Variants in MITF observed in about 807,000 individuals in gnomAD.
MITF encodes melanocyte inducing transcription factor, also known as microphthalmia-associated transcription factor.
Under a neutral mutation model 60.5 loss-of-function variants are expected in MITF, and 17 were observed. The observed-to-expected ratio is 0.28, with a 90% CI of 0.19 to 0.42. The LOEUF is 0.42. Among genes scored for constraint, MITF ranks in the 10% least tolerant of loss-of-function variants. The pLI is 1.00. For synonymous variants in MITF, 260 were observed against 248.5 expected (o/e 1.05, Z -0.43); for missense variants, 622 against 683.5 (o/e 0.91, Z 1.00).
In MITF at chr3:69,789,603, C is replaced by G. The variant is rs1176594998; in HGVS notation, c.104+49902C>G. 3.9e-5 allele frequency among the ~76,000 whole-genome samples: 6 copies of G among 152,120 alleles called. No individual in the cohort carries two copies. In the South Asian group the frequency reaches 1.2e-3, roughly 32 times the overall value. On this transcript the variant is annotated intron_variant, in intron 1 of 9. Coordinates refer to ENST00000352241, the MANE Select transcript of MITF (RefSeq NM_001354604.2). ...TTCATAAAAAATTAAAAATAGTAAT[C>G]CCAGCACTTTGGGAGGCCAACTCAG...
At chr3:69,833,321 A>G (rs1575786460) in intron 1 of MITF, among the ~76,000 whole-genome samples, 1 of 152,318 alleles carries the variant, frequency 6.6e-6, no homozygotes, top group East Asian at 1.9e-4. Context: ...TTTACACTGT[A>G]TGTGGTTGTT....
intron 1 of MITF, among the ~76,000 whole-genome samples, chr3:69,773,930 G>T (rs112215467): frequency 6.6e-6 from 1 of 152,136 alleles, no homozygotes; most frequent in African/African-American, 2.4e-5. Context: ...AAGACACAGC[G>T]TCTTAAGGAA....
In MITF at chr3:69,964,946, G is replaced by A. The variant is rs757354709; in HGVS notation, c.1279G>A (p.Val427Ile). The A allele has an allele frequency of 8.7e-6, 14 of 1,614,074 alleles. No homozygotes were observed. The highest frequency in any genetic ancestry group is 5.0e-5 in the Admixed American group (3 of 60,020). ...GAATCGGATCATCAAGCAAGAACCC[G>A]TTCTTGAGAACTGCAGCCAAGACCT... ...LVNRIIKQEPVLENCSQDLLQ... is the reference protein window; with the variant it reads ...LVNRIIKQEPILENCSQDLLQ... The change falls in exon 10 of 10, where the codon GTT becomes ATT. Residue 427 changes from valine to isoleucine, a missense_variant. Physicochemically the swap from Val to Ile is conservative, Grantham distance 29 (BLOSUM62 3). Coordinates refer to ENST00000352241, the MANE Select transcript of MITF (RefSeq NM_001354604.2).
In MITF at chr3:69,937,940, T is replaced by C. The variant is rs1462448643; in HGVS notation, c.473T>C (p.Leu158Ser). The change falls in exon 3 of 10, where the codon TTG becomes TCG. Residue 158 changes from leucine (L) to serine (S), a missense_variant. Coordinates refer to ENST00000352241, the MANE Select transcript of MITF (RefSeq NM_001354604.2). ...ANKHANQVLS[L>S]PCPNQPGDHV... ...AAACATGCCAACCAAGTCCTGAGCT[T>C]GCCATGTCCAAACCAGCCTGGCGAT... 6.2e-7 allele frequency: 1 copy of C among 1,614,044 alleles called. No homozygotes were observed.
intron 1 of MITF, among the ~76,000 whole-genome samples, chr3:69,811,855 C>T (rs915463913): frequency 6.6e-6 from 1 of 152,180 alleles, no homozygotes; most frequent in Non-Finnish European, 1.5e-5. Flanking sequence ...GGTGCATGCA[C>T]ATTCCACAGG....
chr3:69,936,998 C>T, intron 2 of MITF: 1 of 398,784 alleles, frequency 2.5e-6, no homozygotes, highest in Non-Finnish European at 4.4e-6. Flanking sequence ...TCTTCATCAG[C>T]TCCTGTTCAT....
intron 2 of MITF, among the ~76,000 whole-genome samples, chr3:69,911,777 G>A (rs905046478): frequency 1.3e-5 from 2 of 152,210 alleles, no homozygotes; most frequent in African/African-American, 2.4e-5. Flanking sequence ...ATAATGGTAT[G>A]TTTGGAGAGA....
At chr3:69,772,656 CAGTG>C (rs996583687) in intron 1 of MITF, among the ~76,000 whole-genome samples, 9 of 152,126 alleles carry the variant, frequency 5.9e-5, no homozygotes, top group Non-Finnish European at 1.0e-4. Context: ...TGCGGAGTAT[CAGTG>C]AGTGTCAGTT....
At chr3:69,873,559 T>A (rs1278966373) in intron 1 of MITF, among the ~76,000 whole-genome samples, 1 of 152,214 alleles carries the variant, frequency 6.6e-6, no homozygotes, top group African/African-American at 2.4e-5. Context: ...TCTGGATAGA[T>A]GTTTTTGTTT....
Position 69,937,878 on chromosome 3 carries a change from G to C in MITF, c.411G>C (p.Gln137His), listed in dbSNP as rs2065879481. The C allele has an allele frequency of 6.2e-7, 1 of 1,613,962 alleles. No individual in the cohort carries two copies. Residue 137 changes from glutamine (Q) to histidine (H), a missense_variant, in exon 3 of 10, where the codon CAG (glutamine) becomes CAC (histidine). By Grantham distance (24) the Gln-to-His change is conservative. Around this residue, in one of 5 missense-constraint regions of MITF, gnomAD observed 215 missense variants for 224.8 expected, o/e 0.96. Coordinates refer to ENST00000352241, the MANE Select transcript of MITF (RefSeq NM_001354604.2). ...ACCACATACAGCAAGCCCAACGGCA[G>C]CAGGTAAAGCAGTACCTTTCTACCA... ...TKYHIQQAQR[Q>H]QVKQYLSTTL...
chr3:69,757,282 T>C (rs942122428), intron 1 of MITF, among the ~76,000 whole-genome samples: 4 of 152,316 alleles, frequency 2.6e-5, no homozygotes, highest in Non-Finnish European at 5.9e-5. Flanking sequence ...GCAGTGTTTT[T>C]CAAAATATTT....
At chr3:69,893,469 A>G (rs1437450829) in intron 2 of MITF, among the ~76,000 whole-genome samples, 1 of 152,138 alleles carries the variant, frequency 6.6e-6, no homozygotes, top group Admixed American at 6.6e-5. Flanking sequence ...CTAGCTCATA[A>G]GCTTGCTCTG....
At chr3:69,793,619 T>C (rs1248438885) in intron 1 of MITF, among the ~76,000 whole-genome samples, 8 of 120,608 alleles carry the variant, frequency 6.6e-5, no homozygotes, top group African/African-American at 2.1e-4. Context: ...ATTGCTCCTG[T>C]TGAGAACCAC....
intron 2 of MITF, among the ~76,000 whole-genome samples, chr3:69,899,304 G>C (rs1330819116): frequency 6.6e-6 from 1 of 152,200 alleles, no homozygotes; most frequent in Non-Finnish European, 1.5e-5. Context: ...GCAGTGATGA[G>C]AATTGTGCAC....
intron 2 of MITF, among the ~76,000 whole-genome samples, chr3:69,917,434 T>C (rs978956306): frequency 6.6e-6 from 1 of 150,492 alleles, no homozygotes; most frequent in African/African-American, 2.4e-5. Flanking sequence ...TGGCTTATGA[T>C]TCTGCTCTTA....
chr3:69,776,881 A>G (rs2062481969), intron 1 of MITF, among the ~76,000 whole-genome samples: 1 of 152,210 alleles, frequency 6.6e-6, no homozygotes, highest in Non-Finnish European at 1.5e-5. Flanking sequence ...CCTACTATGA[A>G]TATGCCTCTG....
intron 1 of MITF, among the ~76,000 whole-genome samples, chr3:69,858,178 A>G (rs2063952409): frequency 6.6e-6 from 1 of 152,170 alleles, no homozygotes; most frequent in Non-Finnish European, 1.5e-5. Context: ...ATATTTTACT[A>G]TCAACATTAA....
chr3:69,852,468 T>C (rs2063841463), intron 1 of MITF, among the ~76,000 whole-genome samples: 1 of 152,252 alleles, frequency 6.6e-6, no homozygotes, highest in Non-Finnish European at 1.5e-5. Context: ...ACATTATGTA[T>C]GTGAGATTTA....
chr3:69,907,543 A>C (rs184603610), intron 2 of MITF, among the ~76,000 whole-genome samples: 1 of 152,314 alleles, frequency 6.6e-6, no homozygotes, highest in East Asian at 1.9e-4. Context: ...TCACTTCATA[A>C]GCAGGAGGTA....
Sources: allele counts gnomAD v4.1 joint callset (sites outside exome capture counted in the v4.1 genomes callset), GRCh38; gene constraint gnomAD v4.1.1; regional missense constraint gnomAD v4.1.1; transcripts MANE v1.5; gene names NCBI Gene and HGNC (gene_info 2026-07-23, HGNC 2026-07-21).